Variants in SMC6 observed in about 807,000 individuals in gnomAD.
SMC6 encodes the protein structural maintenance of chromosomes 6, also known as structural maintenance of chromosomes protein 6.
SMC6 carries 79 observed loss-of-function variants against 142.2 expected under a neutral mutation model. The ratio of observed to expected loss-of-function variants is 0.56; its 90% CI spans 0.46 to 0.67. The LOEUF (loss-of-function observed/expected upper bound fraction) is 0.67. Among genes scored for constraint, SMC6 ranks in the 30% least tolerant of loss-of-function variants. SMC6 has a pLI of 0.00. For missense variants in SMC6, 1,072 were observed against 1,284.0 expected (o/e 0.83, Z 2.52); for synonymous variants, 411 against 412.4 (o/e 1.00, Z 0.04).
intron 21 of SMC6, among the ~76,000 whole-genome samples, chr2:17,697,843 G>A (rs1299097890): frequency 3.3e-5 from 5 of 152,056 alleles, no homozygotes; most frequent in African/African-American, 7.2e-5. Context: ...CTAGGTATCT[G>A]AGACAAATGA....
chr2:17,725,175 CA>C, intron 9 of SMC6, 81 bp downstream of exon 9: 1 of 859,176 alleles, frequency 1.2e-6, no homozygotes, highest in East Asian at 2.7e-5. Context: ...TATACAGACA[CA>C]TAGTTTTACA....
chr2:17,710,867 C>A (rs1262123571), intron 16 of SMC6, among the ~76,000 whole-genome samples: 5 of 151,992 alleles, frequency 3.3e-5, no homozygotes, highest in Non-Finnish European at 7.4e-5. Context: ...TTGAGTTTTT[C>A]CTGAAAAGGG....
intron 4 of SMC6, chr2:17,740,871 AC>A (rs1285025942): frequency 7.9e-6 from 2 of 251,972 alleles, no homozygotes; most frequent in African/African-American, 4.8e-5. Context: ...AAACAAAAAA[AC>A]AAAAAAAACC....
chr2:17,721,316 T>C (rs1480552685), intron 9 of SMC6, 55 bp from the exon 10 acceptor site: 1 of 1,483,298 alleles, frequency 6.7e-7, no homozygotes, highest in African/African-American at 1.4e-5. Context: ...AAAAAACACA[T>C]TTTTGCAAAT....
chr2:17,665,511 A>G lies in SMC6; in HGVS notation c.3264T>C (p.Asp1088=). The G allele has an allele frequency of 2.5e-6, 4 of 1,608,320 alleles. No homozygotes were observed. Among genetic ancestry groups the G allele is most frequent in the Non-Finnish European group, 3.4e-6 (4 of 1,176,720 alleles). The change falls in exon 28 of 28, where the codon GAT becomes GAC. Residue 1088 remains aspartate (D), a synonymous_variant. Transcript: ENST00000448223. The part of the protein sequence containing the change: ...PFRPVTQEED[D]DQR Reference sequence around the variant, plus strand: ...GTTAAGTTACAAATCACCTTTGGTCATCATCTTCTTCTTGAGTCACAGGTC... The same window carrying G: ...GTTAAGTTACAAATCACCTTTGGTCGTCATCTTCTTCTTGAGTCACAGGTC...
chr2:17,697,848 A>G (rs1668082616), intron 21 of SMC6, among the ~76,000 whole-genome samples: 1 of 152,092 alleles, frequency 6.6e-6, no homozygotes. Flanking sequence ...TATCTGAGAC[A>G]AATGATAATA....
intron 5 of SMC6, 135 bp downstream of exon 5, chr2:17,738,086 T>A (rs1670244401): frequency 3.2e-6 from 2 of 615,620 alleles, no homozygotes; most frequent in East Asian, 5.6e-5. Flanking sequence ...AAGAAAGGAA[T>A]GAAAAAATAG....
intron 23 of SMC6, among the ~76,000 whole-genome samples, chr2:17,692,365 C>A (rs371529867): frequency 6.6e-6 from 1 of 152,084 alleles, no homozygotes; most frequent in Non-Finnish European, 1.5e-5. Context: ...GAGATATAGA[C>A]CAATGGAACA....
In SMC6 at chr2:17,748,917, C is replaced by G. The variant is rs111513061; in HGVS notation, c.-5-2966G>C. Reference sequence around the variant, plus strand: ...AGATTCTATATAGAAGACAGTACACCCAAACACTACGTGATGACGATGTTT... The same window carrying G: ...AGATTCTATATAGAAGACAGTACACGCAAACACTACGTGATGACGATGTTT... On this transcript the variant is annotated intron_variant, in intron 2 of 27. Transcript: ENST00000448223. 8.7e-3 allele frequency among the ~76,000 whole-genome samples: 1,324 copies of G among 152,272 alleles called. 30 individuals carry two copies. The highest frequency in any genetic ancestry group is 0.03 in the African/African-American group (1,256 of 41,554).
chr2:17,668,869 T>G (rs1666625370), intron 26 of SMC6, among the ~76,000 whole-genome samples: 1 of 152,204 alleles, frequency 6.6e-6, no homozygotes, highest in Admixed American at 6.5e-5. Context: ...TAAACATTTA[T>G]TCCATATATA....
At chr2:17,747,503 CTTTCT>C (rs796785607) in intron 2 of SMC6, among the ~76,000 whole-genome samples, 1,292 of 117,096 alleles carry the variant, frequency 0.011, 6 homozygotes, top group African/African-American at 0.031. Flanking sequence ...TTTTCTTTTT[CTTTCT>C]TTTTTTTTTT....
chr2:17,673,254 T>C (rs1438382951), intron 25 of SMC6, among the ~76,000 whole-genome samples: 1 of 152,228 alleles, frequency 6.6e-6, no homozygotes, highest in Non-Finnish European at 1.5e-5. Flanking sequence ...AGTCTCTTTC[T>C]TACTATTTTT....
chr2:17,717,130 T>C lies in SMC6; in HGVS notation c.1139A>G (p.Asp380Gly), dbSNP rs779356516. 3 of 1,612,744 alleles carry C rather than the reference T, an allele frequency of 1.9e-6. No homozygotes were observed. The highest frequency in any genetic ancestry group is 2.2e-5 in the South Asian group (2 of 90,672). ...SLNEYKALKK[D>G]DEQLCKRIEE... ...AATTCGTTTACAAAGCTGCTCATCA[T>C]CTTTCTTTAATGCTTTATATTCGTT... Residue 380 changes from aspartate (D) to glycine (G), a missense_variant, in exon 13 of 28, where the codon GAT (aspartate) becomes GGT (glycine). Physicochemically the swap from Asp to Gly is moderately conservative, Grantham distance 94. This residue lies in a region of SMC6 where 994 missense variants were observed against 1,153.2 expected (regional missense o/e 0.86). Coordinates refer to ENST00000448223, the MANE Select transcript of SMC6 (RefSeq NM_001142286.2).
In SMC6 at chr2:17,714,993, G is replaced by C; in HGVS notation, c.1598C>G (p.Ala533Gly). Residue 533 changes from alanine to glycine, a missense_variant, in exon 16 of 28, where the codon GCC becomes GGC. Ala to Gly is a moderately conservative substitution (Grantham distance 60, BLOSUM62 0). This residue lies in a region of SMC6 where 994 missense variants were observed against 1,153.2 expected (regional missense o/e 0.86). Coordinates refer to ENST00000448223, the MANE Select transcript of SMC6 (RefSeq NM_001142286.2). ...IESCLKGLLQ[A>G]YCCHNHADER... ...ATCAGCATGATTATGGCAACAATAG[G>C]CCTGCAGAAGCCCTTTTAAGCAAGA... 1 of 1,613,972 alleles carries C rather than the reference G, an allele frequency of 6.2e-7. No homozygotes were observed. The highest frequency in any genetic ancestry group is 8.5e-7 in the Non-Finnish European group (1 of 1,179,946).
intron 3 of SMC6, among the ~76,000 whole-genome samples, 156 bp from the exon 4 acceptor site, chr2:17,741,885 T>C (rs1670488969): frequency 6.6e-6 from 1 of 152,182 alleles, no homozygotes; most frequent in Admixed American, 6.5e-5. Context: ...TGAAATTAAA[T>C]GGGAACCTTC....
At position 17,749,463 on chromosome 2, in the gene SMC6, G is replaced by A. The variant is rs180929762; in HGVS notation, c.-5-3512C>T. Among the ~76,000 whole-genome samples the A allele has an allele frequency of 4.7e-3, 716 of 152,316 alleles. 8 individuals are homozygous for A. The highest frequency in any genetic ancestry group is 0.016 in the African/African-American group (671 of 41,580). On this transcript the variant is annotated intron_variant, in intron 2 of 27. Coordinates refer to ENST00000448223, the MANE Select transcript of SMC6 (RefSeq NM_001142286.2). ...CCAGCACTTTGGGAGGCCAAGGCAG[G>A]CGGATCACGAGGTCAGGAGTTTGAG...
intron 4 of SMC6, among the ~76,000 whole-genome samples, chr2:17,738,841 T>C (rs1031255965): frequency 4.6e-5 from 7 of 152,024 alleles, no homozygotes; most frequent in African/African-American, 1.7e-4. Flanking sequence ...AGAGACACAG[T>C]GTTGGTATGT....
chr2:17,751,933 T>G (rs1453619742), intron 2 of SMC6, among the ~76,000 whole-genome samples: 2 of 152,200 alleles, frequency 1.3e-5, no homozygotes, highest in Admixed American at 6.5e-5. Flanking sequence ...TTCTACAGAT[T>G]CAGTAAAATA....
intron 3 of SMC6, among the ~76,000 whole-genome samples, chr2:17,742,857 A>G (rs1670547883): frequency 6.6e-6 from 1 of 152,214 alleles, no homozygotes; most frequent in Non-Finnish European, 1.5e-5. Context: ...TATCACAACC[A>G]AGATACTGAC....
Sources: allele counts gnomAD v4.1 joint callset (sites outside exome capture counted in the v4.1 genomes callset), GRCh38; gene constraint gnomAD v4.1.1; regional missense constraint gnomAD v4.1.1; transcripts MANE v1.5; gene names NCBI Gene and HGNC (gene_info 2026-07-23, HGNC 2026-07-21).